Variants in ATAD2B observed in about 807,000 individuals in gnomAD.
ATAD2B encodes ATPase family AAA domain containing 2B.
In ATAD2B, 40 loss-of-function variants were observed where a neutral mutation model predicts 167.6. That is an observed-to-expected ratio of 0.24 (90% CI 0.19 to 0.31). The LOEUF is 0.31. Ranked by LOEUF, ATAD2B falls within the 10% of genes least tolerant of loss-of-function variation. The probability of loss-of-function intolerance (pLI) is 1.00; values close to 1 mark genes in which losing one functional copy is unlikely to be tolerated. For synonymous variants in ATAD2B, 579 were observed against 596.5 expected (o/e 0.97, Z 0.43); for missense variants, 1,242 against 1,757.2 (o/e 0.71, Z 5.24).
In ATAD2B at chr2:23,757,544, G is replaced by A; in HGVS notation, c.3952C>T (p.Pro1318Ser). Residue 1318 changes from proline (P) to serine (S), a missense_variant, in exon 25 of 28, where the codon CCA (proline) becomes TCA (serine). Physicochemically the swap from Pro to Ser is moderately conservative, Grantham distance 74. Transcript: ENST00000238789. ...CCATGATTTTCAGTCGAAGTTTCTG[G>A]TTTTTCTTTTGACTGGTCCTCCAGA... ...ILLEDQSKEK[P>S]ETSTENHGDD... is the part of the protein sequence containing the mutation. 2 of 1,596,812 alleles carry A rather than the reference G, an allele frequency of 1.3e-6. No individual in the cohort carries two copies. The highest frequency in any genetic ancestry group is 8.5e-7 in the Non-Finnish European group (1 of 1,174,732).
intron 13 of ATAD2B, among the ~76,000 whole-genome samples, chr2:23,841,817 G>A (rs140027676): frequency 6.6e-6 from 1 of 152,170 alleles, no homozygotes; most frequent in Non-Finnish European, 1.5e-5. Flanking sequence ...CACTCATCCA[G>A]AAATTCATTC....
At chr2:23,733,076 G>C in the ATAD2B span, among the ~76,000 whole-genome samples, 2 of 152,182 alleles carry the variant, frequency 1.3e-5, no homozygotes, top group Non-Finnish European at 2.9e-5. Context: ...CTAAGTGTTA[G>C]TCGCTATCAT....
chr2:23,791,344 T>C (rs981737344), intron 19 of ATAD2B, among the ~76,000 whole-genome samples: 7 of 152,222 alleles, frequency 4.6e-5, no homozygotes, highest in Admixed American at 1.3e-4. Flanking sequence ...ATGTTTAACT[T>C]TGGAAAGTGG....
chr2:23,790,745 TCCTGACC>T (rs1681557869), intron 19 of ATAD2B, among the ~76,000 whole-genome samples: 1 of 152,236 alleles, frequency 6.6e-6, no homozygotes, highest in Non-Finnish European at 1.5e-5. Flanking sequence ...ATTCACTCAT[TCCTGACC>T]CCTTCTTTAA....
At chr2:23,723,357 TGGGAG>T in the ATAD2B span, among the ~76,000 whole-genome samples, 2 of 51,086 alleles carry the variant, frequency 3.9e-5, no homozygotes, top group Non-Finnish European at 7.6e-5. Flanking sequence ...GGGGAGGGGA[TGGGAG>T]GGGAGGGGAA....
intron 1 of ATAD2B, among the ~76,000 whole-genome samples, chr2:23,915,490 C>T (rs1394705144): frequency 6.7e-6 from 1 of 149,362 alleles, no homozygotes; most frequent in African/African-American, 2.5e-5. Context: ...AAGCGTATTG[C>T]TATATTGTCC....
intron 18 of ATAD2B, among the ~76,000 whole-genome samples, chr2:23,803,033 C>T (rs926284193): frequency 3.3e-5 from 5 of 152,022 alleles, no homozygotes; most frequent in Admixed American, 6.6e-5. Flanking sequence ...AAATATAGCA[C>T]GCTTATCAGT....
At chr2:23,809,868 C>T (rs1310251550) in intron 18 of ATAD2B, among the ~76,000 whole-genome samples, 1 of 152,198 alleles carries the variant, frequency 6.6e-6, no homozygotes, top group Admixed American at 6.5e-5. Flanking sequence ...AAATACACAA[C>T]TGTCAACACA....
intron 4 of ATAD2B, among the ~76,000 whole-genome samples, chr2:23,886,109 T>C (rs1208626347): frequency 6.6e-6 from 1 of 151,912 alleles, no homozygotes; most frequent in Non-Finnish European, 1.5e-5. Flanking sequence ...CATGCCCAGC[T>C]AACTTTTATA....
At chr2:23,896,759 A>G (rs570890704) in intron 1 of ATAD2B, among the ~76,000 whole-genome samples, 7 of 152,184 alleles carry the variant, frequency 4.6e-5, no homozygotes, top group African/African-American at 1.2e-4. Context: ...ACAGAAACAC[A>G]TATTGCATTT....
the ATAD2B span, among the ~76,000 whole-genome samples, chr2:23,686,723 G>A: frequency 6.6e-6 from 1 of 152,148 alleles, no homozygotes; most frequent in African/African-American, 2.4e-5. Flanking sequence ...AGGTCCCCAG[G>A]TTGGGCCACC....
chr2:23,898,079 G>A (rs905380777), intron 1 of ATAD2B, among the ~76,000 whole-genome samples: 14 of 152,230 alleles, frequency 9.2e-5, no homozygotes, highest in African/African-American at 2.9e-4. Flanking sequence ...CAAGTAGCTG[G>A]GACTACAGGC....
At chr2:23,807,790 TG>T (rs998069437) in intron 18 of ATAD2B, among the ~76,000 whole-genome samples, 166 of 139,604 alleles carry the variant, frequency 1.2e-3, no homozygotes, top group African/African-American at 4.0e-3. Context: ...CACTCCAGCC[TG>T]GGCAACAGAG....
the ATAD2B span, among the ~76,000 whole-genome samples, chr2:23,736,233 C>CG: frequency 2.0e-4 from 30 of 152,130 alleles, no homozygotes; most frequent in Non-Finnish European, 2.4e-4. Flanking sequence ...AGGAACCCCC[C>CG]CCATTGTTAC....
rs1178704410 is a variant in ATAD2B at position 23,875,793 on chromosome 2, C to CAA, written c.977+34_977+35dup. The CAA allele has an allele frequency of 4.3e-6, 6 of 1,398,404 alleles. No homozygotes were observed. The Admixed American group carries it at 9.2e-5, about 21-fold the overall frequency. 86.6% of individuals were successfully genotyped at this position (1,398,404 alleles called of 1,614,324 possible). A position where few individuals can be genotyped will look rare whatever the true frequency, so the allele number is the denominator to read the frequency against. ...AAAGACACAATTAGTCTCTCATTGA[C>CAA]AAATGCAAATGTTTCCTTTCAAAAA... On this transcript the variant is annotated intron_variant, in intron 8 of 27. Transcript: ENST00000238789.
At chr2:23,698,109 G>A in the ATAD2B span, among the ~76,000 whole-genome samples, 7 of 152,236 alleles carry the variant, frequency 4.6e-5, no homozygotes, top group African/African-American at 1.7e-4. Context: ...AGTTCTCCAA[G>A]ACCAGGGGTT....
intron 8 of ATAD2B, 108 bp from the exon 9 acceptor site, chr2:23,869,869 T>A: frequency 1.4e-6 from 1 of 714,542 alleles, no homozygotes; most frequent in Non-Finnish European, 2.3e-6. Flanking sequence ...CAGCAAATAT[T>A]TATTAAGATT....
chr2:23,850,709 G>A (rs1692440393), intron 13 of ATAD2B, among the ~76,000 whole-genome samples: 1 of 152,126 alleles, frequency 6.6e-6, no homozygotes, highest in African/African-American at 2.4e-5. Flanking sequence ...TGGGGGAAGT[G>A]AAAATATTCT....
At chr2:23,775,518 G>A (rs1180656658) in intron 22 of ATAD2B, among the ~76,000 whole-genome samples, 1 of 152,022 alleles carries the variant, frequency 6.6e-6, no homozygotes, top group Non-Finnish European at 1.5e-5. Flanking sequence ...AGCCGGGTAG[G>A]TGAAATTTTA....
Sources: allele counts gnomAD v4.1 joint callset (sites outside exome capture counted in the v4.1 genomes callset), GRCh38; gene constraint gnomAD v4.1.1; transcripts MANE v1.5; gene names NCBI Gene and HGNC (gene_info 2026-07-23, HGNC 2026-07-21).